ADAMTS19: variants seen among roughly 807,000 people sequenced by gnomAD.
ADAMTS19 encodes the protein A disintegrin and metalloproteinase with thrombospondin motifs 19.
A neutral mutation model predicts 153.3 loss-of-function variants in ADAMTS19; 93 were observed. The observed-to-expected ratio is 0.61, with a 90% CI of 0.51 to 0.72. The LOEUF is 0.72. ADAMTS19 is among the 30% of genes least tolerant of loss of function. ADAMTS19 has a pLI of 0.00. For synonymous variants in ADAMTS19, 600 were observed against 556.6 expected (o/e 1.08, Z -1.10); for missense variants, 1,482 against 1,552.1 (o/e 0.95, Z 0.76).
At chr5:129,525,832 CT>C (rs955467314) in intron 3 of ADAMTS19, among the ~76,000 whole-genome samples, 11 of 151,974 alleles carry the variant, frequency 7.2e-5, no homozygotes, top group African/African-American at 2.7e-4. Flanking sequence ...TCAGGAGCAC[CT>C]GCCTGAAATT....
intron 2 of ADAMTS19, among the ~76,000 whole-genome samples, chr5:129,484,596 C>T (rs6862092): frequency 0.019 from 2,933 of 152,126 alleles, 97 homozygotes; most frequent in African/African-American, 0.067. Context: ...TTTTAGCCTA[C>T]GGTTTAAACT....
At chr5:129,639,624 C>T (rs1389729954) in intron 10 of ADAMTS19, among the ~76,000 whole-genome samples, 6 of 152,266 alleles carry the variant, frequency 3.9e-5, no homozygotes, top group East Asian at 3.9e-4. Flanking sequence ...CCACCAACAA[C>T]GTTCAACAAG....
intron 7 of ADAMTS19, among the ~76,000 whole-genome samples, chr5:129,588,494 TCTTTA>T (rs1160252981): frequency 6.6e-6 from 1 of 152,080 alleles, no homozygotes; most frequent in Non-Finnish European, 1.5e-5. Context: ...ATTCTCTGTA[TCTTTA>T]CTTTCTTTTC....
intron 21 of ADAMTS19, among the ~76,000 whole-genome samples, chr5:129,734,662 T>A (rs1414817888): frequency 6.6e-6 from 1 of 151,998 alleles, no homozygotes; most frequent in African/African-American, 2.4e-5. Flanking sequence ...TCTCTTCAAG[T>A]CATACTGTAC....
chr5:129,623,083 C>T (rs10045299), intron 10 of ADAMTS19, among the ~76,000 whole-genome samples: 13,111 of 151,820 alleles, frequency 0.086, 635 homozygotes, highest in African/African-American at 0.1. Flanking sequence ...ACATTTTAAT[C>T]CTGAAAATAA....
At chr5:129,610,692 T>A (rs910131722) in intron 8 of ADAMTS19, among the ~76,000 whole-genome samples, 12 of 152,104 alleles carry the variant, frequency 7.9e-5, no homozygotes, top group African/African-American at 2.7e-4. Context: ...TCTATCACTG[T>A]TGGACATTTG....
chr5:129,693,609 T>C (rs1755431182), intron 18 of ADAMTS19, among the ~76,000 whole-genome samples: 1 of 152,170 alleles, frequency 6.6e-6, no homozygotes, highest in Non-Finnish European at 1.5e-5. Context: ...TCACAAGAAA[T>C]CTGTATATAA....
chr5:129,680,775 A>C (rs112570511), intron 17 of ADAMTS19, among the ~76,000 whole-genome samples: 1,624 of 109,936 alleles, frequency 0.015, 15 homozygotes, highest in East Asian at 0.059. Context: ...AAAAAAAAAA[A>C]CAAAAAAAAA....
At chr5:129,540,415 ACT>A (rs1217376555) in intron 6 of ADAMTS19, among the ~76,000 whole-genome samples, 2 of 151,924 alleles carry the variant, frequency 1.3e-5, no homozygotes, top group African/African-American at 4.8e-5. Context: ...TTAACTCTCA[ACT>A]CTATGATTTC....
rs139702962 is a variant in ADAMTS19 at position 129,657,568 on chromosome 5, C to T, written c.2305-1049C>T. 5.2e-4 allele frequency among the ~76,000 whole-genome samples: 79 copies of T among 152,224 alleles called. No homozygotes were observed. The East Asian group carries it at 0.014, about 26-fold the overall frequency. ...CAAGAAAAGAGGCAATTGATTTGGC[C>T]TTAGAAGATTCCTATGAACGAAATT... On this transcript the variant is annotated intron_variant, in intron 14 of 22. Coordinates refer to ENST00000274487, the MANE Select transcript of ADAMTS19 (RefSeq NM_133638.6).
intron 17 of ADAMTS19, among the ~76,000 whole-genome samples, chr5:129,681,439 T>C (rs1244798238): frequency 6.6e-6 from 1 of 152,204 alleles, no homozygotes; most frequent in Admixed American, 6.5e-5. Context: ...ATATCCATCA[T>C]TCTTGAGGAC....
intron 18 of ADAMTS19, among the ~76,000 whole-genome samples, chr5:129,694,492 A>C (rs1755469688): frequency 6.6e-6 from 1 of 152,088 alleles, no homozygotes; most frequent in Non-Finnish European, 1.5e-5. Flanking sequence ...TATTTAAATG[A>C]TGAATATCCA....
At chr5:129,505,955 T>C (rs926764333) in intron 2 of ADAMTS19, among the ~76,000 whole-genome samples, 8 of 152,174 alleles carry the variant, frequency 5.3e-5, no homozygotes, top group Admixed American at 3.3e-4. Context: ...TTAATTCATA[T>C]AATCTTATTT....
intron 16 of ADAMTS19, among the ~76,000 whole-genome samples, chr5:129,672,700 A>T (rs1056897483): frequency 1.3e-5 from 2 of 152,116 alleles, no homozygotes; most frequent in Non-Finnish European, 2.9e-5. Context: ...TTATAAGGCA[A>T]ATCAAACCCT....
intron 6 of ADAMTS19, among the ~76,000 whole-genome samples, chr5:129,549,183 AAAATAAAT>A (rs77046635): frequency 4.7e-5 from 7 of 148,206 alleles, no homozygotes; most frequent in Admixed American, 1.3e-4. Flanking sequence ...TAATAATAAT[AAAATAAAT>A]AAATAAATAA....
At chr5:129,474,406 T>C (rs79657448) in intron 2 of ADAMTS19, among the ~76,000 whole-genome samples, 3,323 of 151,836 alleles carry the variant, frequency 0.022, 136 homozygotes, top group African/African-American at 0.075. Context: ...TTCACTCCTG[T>C]TAGGTAGATA....
intron 15 of ADAMTS19, among the ~76,000 whole-genome samples, chr5:129,664,145 G>A (rs1459803711): frequency 6.6e-6 from 1 of 152,152 alleles, no homozygotes; most frequent in Non-Finnish European, 1.5e-5. Context: ...GTGAAGCCTT[G>A]AAGGTAGTAG....
chr5:129,461,349 G>A lies in ADAMTS19; in HGVS notation c.339G>A (p.Pro113=). ...CAGAGTCCCGGCTCCGGCCCCCGCC[G>A]CCGTCGGAGGGTGAGGAGGACGAGG... ...GRSESRLRPP[P]PSEGEEDEEL... Residue 113 remains proline (P), a synonymous_variant, in exon 2 of 23, where the codon CCG becomes CCA. Coordinates refer to ENST00000274487, the MANE Select transcript of ADAMTS19 (RefSeq NM_133638.6). This position sits in a 1 kb window ranked among gnomAD's most constrained non-coding sequence, Gnocchi z 4.6. The A allele has an allele frequency of 7.5e-7, 1 of 1,332,826 alleles. No individual in the cohort carries two copies. The allele number at this position is 1,332,826 out of a possible 1,614,324, so 82.6% of individuals were successfully genotyped here. A position where few individuals can be genotyped will look rare whatever the true frequency, so the allele number is the denominator to read the frequency against.
intron 8 of ADAMTS19, among the ~76,000 whole-genome samples, chr5:129,597,656 C>T (rs910867653): frequency 6.6e-5 from 10 of 152,100 alleles, no homozygotes; most frequent in Middle Eastern, 3.4e-3. Context: ...CCTGTAATCT[C>T]AGCACTTTGG....
Sources: allele counts gnomAD v4.1 joint callset (sites outside exome capture counted in the v4.1 genomes callset), GRCh38; gene constraint gnomAD v4.1.1; non-coding constraint Gnocchi (gnomAD v3.1); transcripts MANE v1.5; gene names NCBI Gene and HGNC (gene_info 2026-07-23, HGNC 2026-07-21).